The following INSL6 variants were observed in gnomAD, a reference collection of about 807,000 sequenced individuals.
INSL6 encodes insulin like 6, also known as insulin-like peptide INSL6.
Under a neutral mutation model 9.4 loss-of-function variants are expected in INSL6, and 16 were observed. The observed-to-expected ratio is 1.70, with a 90% confidence interval of 1.15 to 2.59. INSL6 has a LOEUF of 2.59. Among genes scored for constraint, INSL6 ranks in the 30% most tolerant of loss-of-function variants. INSL6 has a pLI of 0.00. For missense variants in INSL6, 391 were observed against 257.3 expected (o/e 1.52, Z -3.56); for synonymous variants, 154 against 96.9 (o/e 1.59, Z -3.46).
chr9:5,146,571 T>C (rs530561966), intron 2 of INSL6, among the ~76,000 whole-genome samples: 19 of 152,308 alleles, frequency 1.2e-4, no homozygotes, highest in African/African-American at 4.1e-4. Flanking sequence ...GGATACCCTG[T>C]TCTCTGTGCA....
the INSL6 span, among the ~76,000 whole-genome samples, chr9:4,994,200 T>C: frequency 1.1e-4 from 17 of 152,248 alleles, no homozygotes; most frequent in Non-Finnish European, 2.2e-4. Context: ...GCCATAAATA[T>C]GCCATAGGAA....
At chr9:5,135,188 G>A (rs1405929531) in intron 2 of INSL6, among the ~76,000 whole-genome samples, 1 of 152,026 alleles carries the variant, frequency 6.6e-6, no homozygotes, top group South Asian at 2.1e-4. Flanking sequence ...CATAAAACAA[G>A]TTCTTAGAGA....
intron 2 of INSL6, among the ~76,000 whole-genome samples, chr9:5,143,948 C>T (rs1824551686): frequency 6.6e-6 from 1 of 152,184 alleles, no homozygotes; most frequent in Non-Finnish European, 1.5e-5. Context: ...GCGTAAGCCA[C>T]TGCACTGGCC....
rs1179195558 is a variant in INSL6, at chr9:5,185,621, G to C, written c.-19C>G. On this transcript the variant is annotated 5_prime_UTR_variant, in exon 1 of 2. Coordinates refer to ENST00000381641, the MANE Select transcript of INSL6 (RefSeq NM_007179.3). ...GCGGCATCCCTGTGACCCCAGGCTA[G>C]TCCTCCGCGTTGTGCAATGGCGGTC... 21 of 1,603,032 alleles carry C rather than the reference G, an allele frequency of 1.3e-5. No homozygotes were observed. The highest frequency in any genetic ancestry group is 4.0e-5 in the African/African-American group (3 of 74,778).
At chr9:5,095,865 C>T in the INSL6 span, among the ~76,000 whole-genome samples, 1 of 152,126 alleles carries the variant, frequency 6.6e-6, no homozygotes, top group Non-Finnish European at 1.5e-5. Context: ...TAACAACTAC[C>T]ACATTTCTAG....
downstream of INSL6, among the ~76,000 whole-genome samples, chr9:5,121,999 A>C (rs1057346065): frequency 3.3e-5 from 5 of 152,162 alleles, no homozygotes; most frequent in African/African-American, 7.2e-5. Flanking sequence ...AAAATTTGTA[A>C]AGACTAAATG....
Position 5,134,523 on chromosome 9 carries a change from G to A in INSL6, c.377-931C>T, listed in dbSNP as rs569791670. On this transcript the variant is annotated intron_variant, in intron 2 of 3. Transcript: ENST00000649639. ...CAGAAACCCTACAAGCCAGAAGAGA[G>A]TGGGGGCCAACATTCAACATTCTTA... Among the ~76,000 whole-genome samples, 23 of 152,306 alleles carry A rather than the reference G, an allele frequency of 1.5e-4. No homozygotes were observed. The South Asian group carries it at 2.7e-3, about 18-fold the overall frequency.
chr9:5,116,330 C>G, the INSL6 span, among the ~76,000 whole-genome samples: 1 of 152,224 alleles, frequency 6.6e-6, no homozygotes, highest in African/African-American at 2.4e-5. Context: ...ATTAATTGTT[C>G]TCTAATTTGG....
the INSL6 span, among the ~76,000 whole-genome samples, chr9:5,012,112 A>C: frequency 6.6e-6 from 1 of 152,082 alleles, no homozygotes; most frequent in Admixed American, 6.5e-5. Flanking sequence ...TCTGCCCTCA[A>C]TTTTTGGCTT....
At chr9:5,070,223 ATTAATTATC>A in the INSL6 span, among the ~76,000 whole-genome samples, 1 of 141,784 alleles carries the variant, frequency 7.1e-6, no homozygotes, top group East Asian at 2.1e-4. Context: ...TGTTAGCAAA[ATTAATTATC>A]TTAATTATCC....
chr9:5,058,690 C>G, the INSL6 span, among the ~76,000 whole-genome samples: 1 of 152,166 alleles, frequency 6.6e-6, no homozygotes. Flanking sequence ...TCTCCACATG[C>G]TCATCAAAAC....
At chr9:4,999,636 A>T in the INSL6 span, among the ~76,000 whole-genome samples, 5 of 152,178 alleles carry the variant, frequency 3.3e-5, no homozygotes, top group Non-Finnish European at 7.4e-5. Flanking sequence ...TTCAAGTCTC[A>T]AAACTGAAGA....
chr9:5,066,673 T>G, the INSL6 span: 1 of 1,530,788 alleles, frequency 6.5e-7, no homozygotes, highest in East Asian at 2.3e-5. Flanking sequence ...CTTCTTTACC[T>G]TTAGGATGGA....
intron 2 of INSL6, among the ~76,000 whole-genome samples, chr9:5,143,095 C>T (rs909264468): frequency 6.6e-6 from 1 of 152,024 alleles, no homozygotes; most frequent in African/African-American, 2.4e-5. Context: ...TTCCGTTTGC[C>T]AGTATTTTGA....
the INSL6 span, chr9:5,111,235 C>T: frequency 3.5e-5 from 20 of 563,778 alleles, no homozygotes; most frequent in South Asian, 1.2e-4. Flanking sequence ...CGGGCCTATT[C>T]CTCCTTTGGT....
At chr9:5,073,139 A>T in the INSL6 span, among the ~76,000 whole-genome samples, 10 of 152,184 alleles carry the variant, frequency 6.6e-5, no homozygotes, top group Non-Finnish European at 1.3e-4. Context: ...TTAGAAGATG[A>T]TGTGAAAAGT....
the INSL6 span, chr9:5,069,269 G>A: frequency 2.4e-5 from 26 of 1,066,140 alleles, no homozygotes; most frequent in South Asian, 2.8e-4. Flanking sequence ...GTGGCGTGAA[G>A]TATCTTCAGT....
chr9:5,035,454 C>G, the INSL6 span, among the ~76,000 whole-genome samples: 1 of 152,188 alleles, frequency 6.6e-6, no homozygotes, highest in Admixed American at 6.5e-5. Context: ...ATACCAATAT[C>G]CTTGATGAAC....
the INSL6 span, among the ~76,000 whole-genome samples, chr9:5,049,815 A>T: frequency 6.6e-5 from 10 of 152,350 alleles, no homozygotes; most frequent in Middle Eastern, 3.4e-3. Flanking sequence ...TCTGTATGGT[A>T]TAGCCTATTA....
Sources: allele counts gnomAD v4.1 joint callset (sites outside exome capture counted in the v4.1 genomes callset), GRCh38; gene constraint gnomAD v4.1.1; transcripts MANE v1.5; gene names NCBI Gene and HGNC (gene_info 2026-07-23, HGNC 2026-07-21).